Variants in PAFAH1B1 observed in about 807,000 individuals in gnomAD.
The protein encoded by PAFAH1B1 is platelet activating factor acetylhydrolase 1b regulatory subunit 1, also known as platelet-activating factor acetylhydrolase IB subunit beta.
A neutral mutation model predicts 57.5 loss-of-function variants in PAFAH1B1; 2 were observed. The observed-to-expected ratio is 0.03, with a 90% CI of 0.01 to 0.11. The LOEUF is 0.11. PAFAH1B1 is among the 10% of genes least tolerant of loss of function. PAFAH1B1 has a pLI of 1.00. For missense variants in PAFAH1B1, 257 were observed against 512.0 expected (o/e 0.50, Z 4.81); for synonymous variants, 152 against 169.6 (o/e 0.90, Z 0.81).
At chr17:2,625,692 G>A (rs748397293) in intron 1 of PAFAH1B1, among the ~76,000 whole-genome samples, 5 of 152,082 alleles carry the variant, frequency 3.3e-5, no homozygotes, top group African/African-American at 9.7e-5. Context: ...TTGGGTGGCC[G>A]AGGTGACAGA....
intron 1 of PAFAH1B1, among the ~76,000 whole-genome samples, chr17:2,630,228 G>A (rs1047329314): frequency 3.3e-5 from 5 of 152,072 alleles, no homozygotes; most frequent in African/African-American, 1.2e-4. Context: ...CTTTAAAGAG[G>A]TTCTGTTTTG....
rs57933573 is a variant in PAFAH1B1, at chr17:2,625,023, A to ATT, written c.-190-13064_-190-13063dup. Among the ~76,000 whole-genome samples, 106 of 143,236 alleles carry ATT rather than the reference A, an allele frequency of 7.4e-4. 1 individual carries two copies. Among genetic ancestry groups the ATT allele is most frequent in the African/African-American group, 2.0e-3 (77 of 39,128 alleles). 94.0% of individuals were successfully genotyped at this position (143,236 alleles called of 152,430 possible). On this transcript the variant is annotated intron_variant, in intron 1 of 10. Coordinates refer to ENST00000397195, the MANE Select transcript of PAFAH1B1 (RefSeq NM_000430.4). ...TAACATATAATTATTTATACTTTCT[A>ATT]TTTTTTTTTTTTTAACTCTTCCACT... is the stretch of plus-strand genomic sequence containing the variant.
At chr17:2,605,716 G>C (rs2068197929) in intron 1 of PAFAH1B1, among the ~76,000 whole-genome samples, 1 of 152,066 alleles carries the variant, frequency 6.6e-6, no homozygotes, top group Non-Finnish European at 1.5e-5. Flanking sequence ...TCTTTTCTCT[G>C]AGTTCGTAAT....
At chr17:2,620,722 T>TA (rs1178448772) in intron 1 of PAFAH1B1, among the ~76,000 whole-genome samples, 1 of 151,900 alleles carries the variant, frequency 6.6e-6, no homozygotes, top group Non-Finnish European at 1.5e-5. Flanking sequence ...ATTAGCTGGG[T>TA]ATGGTGGCGC....
intron 1 of PAFAH1B1, among the ~76,000 whole-genome samples, chr17:2,610,703 C>G (rs2068258391): frequency 6.6e-6 from 1 of 152,194 alleles, no homozygotes. Flanking sequence ...CAAAGCTGTC[C>G]TGGGCCGTGG....
chr17:2,611,123 G>A (rs2068262108), intron 1 of PAFAH1B1, among the ~76,000 whole-genome samples: 1 of 152,048 alleles, frequency 6.6e-6, no homozygotes, highest in African/African-American at 2.4e-5. Context: ...GTAATTTGAA[G>A]GTGGGTAGAG....
chr17:2,597,981 T>C (rs1249824302), intron 1 of PAFAH1B1, among the ~76,000 whole-genome samples: 1 of 152,004 alleles, frequency 6.6e-6, no homozygotes, highest in African/African-American at 2.4e-5. Context: ...ACATGGTGGC[T>C]CACACTTACA....
chr17:2,597,049 A>G (rs568350100), intron 1 of PAFAH1B1, among the ~76,000 whole-genome samples: 61 of 152,242 alleles, frequency 4.0e-4, no homozygotes, highest in Middle Eastern at 3.4e-3. Context: ...CGACAGAGCA[A>G]GACTCTGTCA....
chr17:2,624,795 G>A (rs1353484748), intron 1 of PAFAH1B1, among the ~76,000 whole-genome samples: 3 of 152,008 alleles, frequency 2.0e-5, no homozygotes, highest in Admixed American at 6.6e-5. Flanking sequence ...TGCATGCCTC[G>A]GTCCATCAAA....
chr17:2,656,105 T>A (rs1373216777), intron 2 of PAFAH1B1, among the ~76,000 whole-genome samples: 1 of 152,090 alleles, frequency 6.6e-6, no homozygotes, highest in East Asian at 1.9e-4. Flanking sequence ...TTTGTATTTT[T>A]AGTAGAGACG....
At chr17:2,676,154 G>A (rs905062695) in intron 8 of PAFAH1B1, among the ~76,000 whole-genome samples, 6 of 152,254 alleles carry the variant, frequency 3.9e-5, no homozygotes, top group South Asian at 2.1e-4. Flanking sequence ...TGGGCCGATC[G>A]ATCATCTGAG....
At chr17:2,667,250 C>T in intron 5 of PAFAH1B1, 52 bp downstream of exon 5, 2 of 1,409,812 alleles carry the variant, frequency 1.4e-6, no homozygotes, top group Non-Finnish European at 1.0e-6. Flanking sequence ...AGGAGAATGG[C>T]ATGAACCCGG....
chr17:2,660,124 C>T (rs1597563026), intron 2 of PAFAH1B1, among the ~76,000 whole-genome samples: 2 of 152,164 alleles, frequency 1.3e-5, no homozygotes, highest in East Asian at 3.9e-4. Context: ...TTCAACAGCC[C>T]TGCAGACATC....
rs1016357908 is a variant in PAFAH1B1, at chr17:2,614,762, C to CT, written c.-191+20765dup. Among the ~76,000 whole-genome samples the CT allele has an allele frequency of 1.6e-3, 236 of 151,088 alleles. 1 individual carries two copies. Among genetic ancestry groups the CT allele is most frequent in the African/African-American group, 5.1e-3 (211 of 41,224 alleles). ...GCTAGATTTTATAATTTTTTCTTTT[C>CT]TTTTTTTTTAGAGATGAGTCTTGCT... On this transcript the variant is annotated intron_variant, in intron 1 of 10. Coordinates refer to ENST00000397195, the MANE Select transcript of PAFAH1B1 (RefSeq NM_000430.4).
intron 1 of PAFAH1B1, chr17:2,613,473 G>A: frequency 4.1e-6 from 1 of 241,982 alleles, no homozygotes; most frequent in East Asian, 8.7e-5. Flanking sequence ...GGCTGCAGCG[G>A]CAGAGCCATG....
intron 2 of PAFAH1B1, among the ~76,000 whole-genome samples, chr17:2,663,923 G>A (rs1009136459): frequency 2.0e-5 from 3 of 152,056 alleles, no homozygotes; most frequent in East Asian, 1.9e-4. Flanking sequence ...TCGAGCTCCC[G>A]ACCTCGTGAT....
intron 6 of PAFAH1B1, among the ~76,000 whole-genome samples, chr17:2,671,568 C>CT (rs149639801): frequency 0.27 from 27,595 of 102,310 alleles, 3,541 homozygotes; most frequent in Non-Finnish European, 0.32. Flanking sequence ...CTTTCTAATG[C>CT]ATTTTTTTTT....
chr17:2,652,286 G>A (rs1261025762), intron 2 of PAFAH1B1, among the ~76,000 whole-genome samples: 5 of 151,902 alleles, frequency 3.3e-5, no homozygotes, highest in Admixed American at 2.6e-4. Context: ...GTGGTGGCGG[G>A]TGCCTGTAGT....
intron 1 of PAFAH1B1, among the ~76,000 whole-genome samples, chr17:2,635,042 A>C (rs992351508): frequency 3.3e-5 from 5 of 152,240 alleles, no homozygotes; most frequent in African/African-American, 1.2e-4. Flanking sequence ...GGGTGCCTGT[A>C]ATCCCAGCTA....
Sources: allele counts gnomAD v4.1 joint callset (sites outside exome capture counted in the v4.1 genomes callset), GRCh38; gene constraint gnomAD v4.1.1; transcripts MANE v1.5; gene names NCBI Gene and HGNC (gene_info 2026-07-23, HGNC 2026-07-21).